DNAI7: variants seen among roughly 807,000 people sequenced by gnomAD.
DNAI7 encodes the protein dynein axonemal intermediate chain 7, also known as cancer susceptibility 1.
DNAI7 carries 78 observed loss-of-function variants against 86.6 expected under a neutral mutation model. The ratio of observed to expected loss-of-function variants is 0.90; its 90% CI spans 0.75 to 1.09. The LOEUF is 1.09. DNAI7 is among the 50% of genes least tolerant of loss of function. The pLI, the probability that DNAI7 is intolerant of heterozygous loss-of-function variation, is 0.00. For missense variants in DNAI7, 753 were observed against 810.2 expected (o/e 0.93, Z 0.86); for synonymous variants, 274 against 273.0 (o/e 1.00, Z -0.04).
intron 11 of DNAI7, 45 bp downstream of exon 11, chr12:25,121,708 G>C (rs759883833): frequency 7.0e-7 from 1 of 1,435,320 alleles, no homozygotes. Flanking sequence ...GTAAAAGCGT[G>C]AGCAATTATT....
chr12:25,116,112 G>C (rs1189737972), intron 12 of DNAI7, among the ~76,000 whole-genome samples: 1 of 150,066 alleles, frequency 6.7e-6, no homozygotes. Flanking sequence ...TTGGGGGGAG[G>C]GGTCATCTTT....
intron 1 of DNAI7, among the ~76,000 whole-genome samples, chr12:25,191,840 T>A (rs1321887159): frequency 6.6e-6 from 1 of 152,220 alleles, no homozygotes; most frequent in Non-Finnish European, 1.5e-5. Context: ...AGACTCACAG[T>A]TACAATAATA....
intron 7 of DNAI7, among the ~76,000 whole-genome samples, chr12:25,148,786 A>G (rs73069144): frequency 0.018 from 2,806 of 152,274 alleles, 48 homozygotes; most frequent in South Asian, 0.068. Context: ...CCTCTTAGCT[A>G]ACGGCATCCC....
chr12:25,115,353 A>C (rs958505156), intron 12 of DNAI7, among the ~76,000 whole-genome samples: 6 of 152,200 alleles, frequency 3.9e-5, no homozygotes, highest in African/African-American at 1.4e-4. Context: ...ACCACAATCC[A>C]GTTTTAGAAC....
intron 1 of DNAI7, among the ~76,000 whole-genome samples, chr12:25,194,674 C>T (rs779399436): frequency 1.3e-5 from 2 of 152,120 alleles, no homozygotes; most frequent in Non-Finnish European, 2.9e-5. Flanking sequence ...TTTTTCAAAG[C>T]AGAGTAAATT....
At chr12:25,111,004 A>T (rs1161310742) in intron 14 of DNAI7, among the ~76,000 whole-genome samples, 2 of 152,206 alleles carry the variant, frequency 1.3e-5, no homozygotes, top group African/African-American at 4.8e-5. Context: ...AATTTGAGTT[A>T]CTAAAACCAA....
chr12:25,137,427 C>T (rs1288115551), intron 9 of DNAI7, among the ~76,000 whole-genome samples: 1 of 151,996 alleles, frequency 6.6e-6, no homozygotes, highest in East Asian at 1.9e-4. Flanking sequence ...AACAGAACCC[C>T]CCTAAATCAT....
At chr12:25,191,165 C>G (rs566365152) in intron 1 of DNAI7, among the ~76,000 whole-genome samples, 1 of 152,290 alleles carries the variant, frequency 6.6e-6, no homozygotes, top group African/African-American at 2.4e-5. Context: ...CCTGTAATAG[C>G]ATTCGCGGAG....
intron 2 of DNAI7, among the ~76,000 whole-genome samples, chr12:25,169,914 A>G (rs1947942542): frequency 6.6e-6 from 1 of 152,048 alleles, no homozygotes; most frequent in Non-Finnish European, 1.5e-5. Context: ...CCAATCAACT[A>G]TCTGCTGCCT....
chr12:25,108,023 T>C, downstream of DNAI7: 1 of 1,614,094 alleles, frequency 6.2e-7, no homozygotes, highest in Non-Finnish European at 8.5e-7. Flanking sequence ...TTGTGGCCAT[T>C]TACCAGACTC....
Position 25,110,112 on chromosome 12 carries a change from T to C in DNAI7, c.1893+15A>G, listed in dbSNP as rs141305724. On this transcript the variant is annotated intron_variant, in intron 15 of 15. Transcript: ENST00000395987. Reference sequence around the variant, plus strand: ...TGGAGGACAAAGTAGTTTTATGGGTTTCTACATATCATACCTTAAATACGA... The same window carrying C: ...TGGAGGACAAAGTAGTTTTATGGGTCTCTACATATCATACCTTAAATACGA... 2.2e-4 allele frequency: 287 copies of C among 1,307,276 alleles called. 3 individuals are homozygous for C. In the East Asian group the frequency reaches 6.3e-3, roughly 28 times the overall value. 81.0% of individuals were successfully genotyped at this position (1,307,276 alleles called of 1,614,324 possible).
At chr12:25,146,504 C>A (rs1465151064) in intron 8 of DNAI7, among the ~76,000 whole-genome samples, 2 of 150,616 alleles carry the variant, frequency 1.3e-5, no homozygotes, top group Admixed American at 1.3e-4. Flanking sequence ...GAGGCTGAGG[C>A]ACAAAGAATC....
At chr12:25,171,205 A>G (rs1229031313) in intron 2 of DNAI7, among the ~76,000 whole-genome samples, 1 of 152,180 alleles carries the variant, frequency 6.6e-6, no homozygotes, top group Non-Finnish European at 1.5e-5. Flanking sequence ...TGAAAAGATA[A>G]ATAAAATTGA....
chr12:25,194,473 G>T (rs1256476573), intron 1 of DNAI7, among the ~76,000 whole-genome samples: 1 of 152,158 alleles, frequency 6.6e-6, no homozygotes, highest in Non-Finnish European at 1.5e-5. Flanking sequence ...AAAATGTCTT[G>T]ATGGAAACCA....
intron 2 of DNAI7, among the ~76,000 whole-genome samples, chr12:25,170,114 G>C (rs1413532572): frequency 6.6e-6 from 1 of 152,098 alleles, no homozygotes; most frequent in Non-Finnish European, 1.5e-5. Flanking sequence ...GTCCCAGCCA[G>C]GCCCAGTAGC....
At chr12:25,113,703 T>C (rs1565621570) in intron 13 of DNAI7, among the ~76,000 whole-genome samples, 3 of 152,192 alleles carry the variant, frequency 2.0e-5, no homozygotes, top group African/African-American at 7.2e-5. Flanking sequence ...TTAAGATATA[T>C]TTTACATATC....
intron 2 of DNAI7, among the ~76,000 whole-genome samples, chr12:25,180,857 GA>G (rs1221389937): frequency 6.6e-6 from 1 of 152,078 alleles, no homozygotes; most frequent in Non-Finnish European, 1.5e-5. Flanking sequence ...GCCCAGGCTG[GA>G]GTGTGTGGTG....
rs187666181 is a variant in DNAI7, at chr12:25,144,302, T to C, written c.1002+63A>G. On this transcript the variant is annotated intron_variant, in intron 9 of 15. Coordinates refer to ENST00000395987, the MANE Select transcript of DNAI7 (RefSeq NM_018272.5). ...TTTAGGAAAAATCTTGAGAACACTT[T>C]AAGGGAATCTAATAACGCATGCTGC... The C allele has an allele frequency of 2.2e-4, 297 of 1,376,474 alleles. 1 individual carries two copies. In the African/African-American group the frequency reaches 3.8e-3, roughly 17 times the overall value. 85.3% of individuals were successfully genotyped at this position (1,376,474 alleles called of 1,614,324 possible). A position where few individuals can be genotyped will look rare whatever the true frequency, so the allele number is the denominator to read the frequency against.
chr12:25,113,266 T>TTTTTTGTTGTTGCTG (rs1379355901), intron 13 of DNAI7, among the ~76,000 whole-genome samples: 105 of 136,668 alleles, frequency 7.7e-4, no homozygotes, highest in Non-Finnish European at 1.2e-3. Flanking sequence ...TCTCACCTAG[T>TTTTTTGTTGTTGCTG]TTGTTGTTGT....
Sources: allele counts gnomAD v4.1 joint callset (sites outside exome capture counted in the v4.1 genomes callset), GRCh38; gene constraint gnomAD v4.1.1; transcripts MANE v1.5; gene names NCBI Gene and HGNC (gene_info 2026-07-23, HGNC 2026-07-21).